Variants in PDYN observed in about 807,000 individuals in gnomAD.
The protein encoded by PDYN is prodynorphin.
Under a neutral mutation model 11.4 loss-of-function variants are expected in PDYN, and 5 were observed. That is an observed-to-expected ratio of 0.44 (90% confidence interval 0.23 to 0.92). The LOEUF is 0.92. PDYN is among the 40% of genes least tolerant of loss of function. The probability of loss-of-function intolerance (pLI) is 0.24; values close to 1 mark genes in which losing one functional copy is unlikely to be tolerated. For synonymous variants in PDYN, 132 were observed against 129.5 expected (o/e 1.02, Z -0.13); for missense variants, 337 against 317.3 (o/e 1.06, Z -0.47).
At chr20:1,994,204 C>G (rs1181696152), upstream of PDYN, 1 of 154,026 alleles carries the variant, frequency 6.5e-6, no homozygotes, top group Non-Finnish European at 1.4e-5. Context: ...ACTCGAACTC[C>G]CTGGGCCTGA....
In PDYN at chr20:1,979,817, G is replaced by A. The variant is rs913609781; in HGVS notation, c.*506C>T. 15 of 171,120 alleles carry A rather than the reference G, an allele frequency of 8.8e-5. No individual in the cohort carries two copies. The highest frequency in any genetic ancestry group is 5.9e-3 in the Middle Eastern group (2 of 340). The allele number at this position is 171,120 out of a possible 1,614,324, so 10.6% of individuals were successfully genotyped here. A position where few individuals can be genotyped will look rare whatever the true frequency, so the allele number is the denominator to read the frequency against. On this transcript the variant is annotated 3_prime_UTR_variant, in exon 4 of 4. Transcript: ENST00000217305. ...ATCTTTTGAGATTTGGGAATATAAT[G>A]TTAGGATTTCTGTGTATGATTATTT...
At chr20:1,983,167 G>A in intron 2 of PDYN, 64 bp from the exon 3 acceptor site, 2 of 1,409,236 alleles carry the variant, frequency 1.4e-6, no homozygotes, top group Non-Finnish European at 1.9e-6. Context: ...TGTGTTCTGA[G>A]CCCACAAAGT....
At chr20:1,993,362 G>A (rs6045912) in intron 1 of PDYN, among the ~76,000 whole-genome samples, 44,976 of 151,904 alleles carry the variant, frequency 0.3, 7,589 homozygotes, top group East Asian at 0.84. Flanking sequence ...AAAAGAAGCC[G>A]CTCAAACCAG....
At chr20:1,987,029 G>A (rs1053208392) in intron 2 of PDYN, among the ~76,000 whole-genome samples, 2 of 152,164 alleles carry the variant, frequency 1.3e-5, no homozygotes, top group Non-Finnish European at 2.9e-5. Context: ...CCACTTACCT[G>A]TCAGTCCCTT....
chr20:1,989,758 G>A (rs573927195), intron 2 of PDYN, among the ~76,000 whole-genome samples: 1 of 152,334 alleles, frequency 6.6e-6, no homozygotes, highest in South Asian at 2.1e-4. Context: ...CATATCATGA[G>A]TCACGAGGGA....
chr20:1,980,896 G>T lies in PDYN; in HGVS notation c.192C>A (p.Ser64Arg), dbSNP rs1987729572. The change falls in exon 4 of 4, where the codon AGC becomes AGA. Residue 64 changes from serine (S) to arginine (R), a missense_variant. Ser to Arg is a moderately radical substitution (Grantham distance 110). Coordinates refer to ENST00000217305, the MANE Select transcript of PDYN (RefSeq NM_024411.5). ...TGGAGGGGGTGAAAAAAGACAGAAA[G>T]CTCTGGCATCTCTCCCATTCCTCAG... ...LPSEEWERCQSFLSFFTPSTL... is the reference protein window; with the variant it reads ...LPSEEWERCQRFLSFFTPSTL... 6.2e-7 allele frequency: 1 copy of T among 1,614,054 alleles called. No individual in the cohort carries two copies.
At position 1,980,887 on chromosome 20, in the gene PDYN, A is replaced by G. The variant is rs1417636089; in HGVS notation, c.201T>C (p.Ser67=). The change falls in exon 4 of 4, where the codon TCT becomes TCC. Residue 67 remains serine, a synonymous_variant. Transcript: ENST00000217305. ...EEWERCQSFL[S]FFTPSTLGLN... is the part of the protein sequence containing the mutation. Reference sequence around the variant, plus strand: ...GCCCAAGGGTGGAGGGGGTGAAAAAAGACAGAAAGCTCTGGCATCTCTCCC... The same window carrying G: ...GCCCAAGGGTGGAGGGGGTGAAAAAGGACAGAAAGCTCTGGCATCTCTCCC... 6.2e-7 allele frequency: 1 copy of G among 1,614,192 alleles called. No homozygotes were observed. Among genetic ancestry groups the G allele is most frequent in the Non-Finnish European group, 8.5e-7 (1 of 1,180,042 alleles).
Position 1,980,372 on chromosome 20 carries a change from C to A in PDYN, c.716G>T (p.Arg239Leu). ...FLRRQFKVVT[R>L]SQEDPNAYSG... ...GTAAGCATTCGGATCTTCCTGAGACCGAGTCACCACCTTGAACTGGCGCCG... is the reference window on the plus strand; with the variant it reads ...GTAAGCATTCGGATCTTCCTGAGACAGAGTCACCACCTTGAACTGGCGCCG... Residue 239 changes from arginine (R) to leucine (L), a missense_variant, in exon 4 of 4, where the codon CGG (arginine) becomes CTG (leucine). Physicochemically the swap from Arg to Leu is moderately radical, Grantham distance 102. Transcript: ENST00000217305. The A allele has an allele frequency of 6.2e-7, 1 of 1,614,074 alleles. No homozygotes were observed. Among genetic ancestry groups the A allele is most frequent in the Non-Finnish European group, 8.5e-7 (1 of 1,180,014 alleles).
chr20:1,982,939 C>T lies in PDYN; in HGVS notation c.129+17G>A, dbSNP rs568664049. 73 of 1,612,800 alleles carry T rather than the reference C, an allele frequency of 4.5e-5. 1 individual carries two copies. The South Asian group carries it at 7.9e-4, about 17-fold the overall frequency. On this transcript the variant is annotated intron_variant, in intron 3 of 3. Transcript: ENST00000217305. ...GTCCAAGGACCTGGGCATTGAAGAA[C>T]CTTGCCTGAAACCTACCAGGGGATT...
chr20:1,989,251 C>T (rs1988328444), intron 2 of PDYN, among the ~76,000 whole-genome samples: 1 of 152,112 alleles, frequency 6.6e-6, no homozygotes, highest in African/African-American at 2.4e-5. Context: ...AGCAACTGGC[C>T]CCATTCTTCA....
intron 3 of PDYN, among the ~76,000 whole-genome samples, chr20:1,982,186 G>A (rs1160723230): frequency 6.6e-6 from 1 of 152,100 alleles, no homozygotes; most frequent in Admixed American, 6.5e-5. Flanking sequence ...GAACCCAGGA[G>A]GCAGAGGTCT....
intron 3 of PDYN, 81 bp downstream of exon 3, chr20:1,982,875 C>A (rs1987914998): frequency 2.7e-6 from 4 of 1,482,204 alleles, no homozygotes; most frequent in Non-Finnish European, 3.8e-6. Context: ...CACAGCTGCC[C>A]AGGCCTGCAA....
chr20:1,991,456 G>T (rs1353529707), intron 2 of PDYN, among the ~76,000 whole-genome samples: 1 of 152,198 alleles, frequency 6.6e-6, no homozygotes, highest in Non-Finnish European at 1.5e-5. Context: ...CTGGATCCAG[G>T]CTGGGAGGGA....
intron 2 of PDYN, among the ~76,000 whole-genome samples, chr20:1,987,939 G>A (rs1988261349): frequency 6.6e-6 from 1 of 152,158 alleles, no homozygotes; most frequent in African/African-American, 2.4e-5. Flanking sequence ...GATAGGAAAA[G>A]AAGAGGGCAA....
chr20:1,990,253 T>C (rs1988374666), intron 2 of PDYN, among the ~76,000 whole-genome samples: 1 of 151,894 alleles, frequency 6.6e-6, no homozygotes, highest in Admixed American at 6.6e-5. Context: ...GATTTCAGAG[T>C]CAGTCTGCTG....
At chr20:1,982,907 C>T (rs374059962) in intron 3 of PDYN, 49 bp downstream of exon 3, 89 of 1,601,894 alleles carry the variant, frequency 5.6e-5, no homozygotes, top group Non-Finnish European at 7.3e-5. Flanking sequence ...TGGGCTGCCT[C>T]GCACAGGTCC....
chr20:1,983,152 T>C, intron 2 of PDYN, 49 bp from the exon 3 acceptor site: 1 of 1,512,166 alleles, frequency 6.6e-7, no homozygotes, highest in South Asian at 1.2e-5. Context: ...CACCACTCTG[T>C]AGACTGTGTT....
chr20:1,984,430 T>G (rs947760342), intron 2 of PDYN, among the ~76,000 whole-genome samples: 7 of 152,190 alleles, frequency 4.6e-5, no homozygotes, highest in East Asian at 1.9e-4. Flanking sequence ...TTGGTTGTTG[T>G]TGGTGGTGTG....
intron 2 of PDYN, among the ~76,000 whole-genome samples, chr20:1,989,763 G>A (rs1260071614): frequency 6.6e-6 from 1 of 152,192 alleles, no homozygotes; most frequent in Non-Finnish European, 1.5e-5. Context: ...CATGAGTCAC[G>A]AGGGAAATGG....
Sources: allele counts gnomAD v4.1 joint callset (sites outside exome capture counted in the v4.1 genomes callset), GRCh38; gene constraint gnomAD v4.1.1; transcripts MANE v1.5; gene names NCBI Gene and HGNC (gene_info 2026-07-23, HGNC 2026-07-21).